CTNNB1: variants seen among roughly 807,000 people sequenced by gnomAD.
CTNNB1 encodes catenin beta 1.
In CTNNB1, 6 loss-of-function variants were observed where a neutral mutation model predicts 82.5. The ratio of observed to expected loss-of-function variants is 0.07; its 90% CI spans 0.04 to 0.14. CTNNB1 has a LOEUF of 0.14. Ranked by LOEUF, CTNNB1 falls within the 10% of genes least tolerant of loss-of-function variation. The pLI, the probability that CTNNB1 is intolerant of heterozygous loss-of-function variation, is 1.00. For synonymous variants in CTNNB1, 312 were observed against 329.7 expected, an observed-to-expected ratio of 0.95 and a Z score of 0.58; for missense variants, 529 against 980.4, an observed-to-expected ratio of 0.54 and a Z score of 6.15.
chr3:41,219,766 C>G (rs1231499481), intron 1 of CTNNB1, among the ~76,000 whole-genome samples: 7 of 152,030 alleles, frequency 4.6e-5, no homozygotes, highest in Non-Finnish European at 1.0e-4. Context: ...AAATTCTTAC[C>G]CTTAAACTCA....
At chr3:41,227,564 A>T (rs1364199232) in intron 7 of CTNNB1, among the ~76,000 whole-genome samples, 1 of 152,224 alleles carries the variant, frequency 6.6e-6, no homozygotes, top group Non-Finnish European at 1.5e-5. Context: ...ATCCATCAAA[A>T]ATGATGGCAT....
rs11377041 is a variant in CTNNB1 at position 41,231,326 on chromosome 3, CA to C, written c.1082-2001del. On this transcript the variant is annotated intron_variant, in intron 7 of 14. Coordinates refer to ENST00000349496, the MANE Select transcript of CTNNB1 (RefSeq NM_001904.4). ...TGGGCGACAGAGTGAGACTCTATCT[CA>C]AAAAAAAAAAAAAGGGAAAGAGATT... is the stretch of plus-strand genomic sequence containing the variant. 2.5e-3 allele frequency among the ~76,000 whole-genome samples: 342 copies of C among 134,900 alleles called. 2 individuals carry two copies. The highest frequency in any genetic ancestry group is 3.9e-3 in the Middle Eastern group (1 of 258). The allele number at this position is 134,900 out of a possible 152,430, so 88.5% of individuals were successfully genotyped here. A position where few individuals can be genotyped will look rare whatever the true frequency, so the allele number is the denominator to read the frequency against.
At chr3:41,213,029 A>G (rs757671389) in intron 1 of CTNNB1, among the ~76,000 whole-genome samples, 18 of 152,208 alleles carry the variant, frequency 1.2e-4, no homozygotes, top group Admixed American at 2.6e-4. Flanking sequence ...TAAAAACTCA[A>G]ATAAGATTGT....
intron 1 of CTNNB1, 124 bp from the exon 2 acceptor site, chr3:41,223,897 G>T: frequency 1.5e-6 from 1 of 687,026 alleles, no homozygotes; most frequent in Non-Finnish European, 2.5e-6. Flanking sequence ...TCACTAACCT[G>T]GTAAAAGAGG....
chr3:41,215,132 C>T (rs541332524), intron 1 of CTNNB1, among the ~76,000 whole-genome samples: 57 of 149,688 alleles, frequency 3.8e-4, no homozygotes, highest in African/African-American at 1.3e-3. Context: ...AATCCCAGCA[C>T]TTTGGGAGGC....
intron 1 of CTNNB1, among the ~76,000 whole-genome samples, chr3:41,204,669 A>G (rs901231837): frequency 1.3e-5 from 2 of 152,246 alleles, no homozygotes; most frequent in African/African-American, 4.8e-5. Context: ...ATCCAGATCA[A>G]TGTACATCTC....
rs2125583511 is a variant in CTNNB1, at chr3:41,203,033, C to T, written c.-49+3363C>T. Among the ~76,000 whole-genome samples the T allele has an allele frequency of 3.0e-5, 2 of 66,116 alleles. 1 individual carries two copies. The highest frequency in any genetic ancestry group is 1.6e-3 in the South Asian group (2 of 1,230). 43.4% of individuals were successfully genotyped at this position (66,116 alleles called of 152,430 possible). A position where few individuals can be genotyped will look rare whatever the true frequency, so the allele number is the denominator to read the frequency against. The stretch of plus-strand genomic sequence containing the variant: ...TAGGAACCCATTTTTAGGGTTTAGC[C>T]ACTTTTTTTTTTTTTTTTTTTTAAC... On this transcript the variant is annotated intron_variant, in intron 1 of 14. Coordinates refer to ENST00000349496, the MANE Select transcript of CTNNB1 (RefSeq NM_001904.4).
chr3:41,221,594 C>T (rs2078050682), intron 1 of CTNNB1: 1 of 152,112 alleles, frequency 6.6e-6, no homozygotes, highest in African/African-American at 2.4e-5. Flanking sequence ...ATCCACCCGC[C>T]TCCCAAAGTG....
Position 41,236,675 on chromosome 3 carries a change from C to G in CTNNB1, c.2042C>G (p.Ser681Cys), listed in dbSNP as rs772401455. The G allele has an allele frequency of 1.2e-6, 2 of 1,614,000 alleles. No homozygotes were observed. Residue 681 changes from serine to cysteine, a missense_variant, in exon 13 of 15, where the codon TCT becomes TGT. Physicochemically the swap from Ser to Cys is moderately radical, Grantham distance 112. Around this residue, in one of 4 missense-constraint regions of CTNNB1, gnomAD observed 102 missense variants for 130.8 expected, o/e 0.78. Coordinates refer to ENST00000349496, the MANE Select transcript of CTNNB1 (RefSeq NM_001904.4). ...CGGCTTTCAGTTGAGCTGACCAGCT[C>G]TCTCTTCAGAACAGAGCCAATGGCT... Reference protein sequence around the residue: ...KKRLSVELTSSLFRTEPMAWN... With the variant: ...KKRLSVELTSCLFRTEPMAWN...
chr3:41,233,225 A>G, intron 7 of CTNNB1, 116 bp from the exon 8 acceptor site: 3 of 864,482 alleles, frequency 3.5e-6, no homozygotes. Context: ...ACTTAGGTGA[A>G]AGGAAGTAAA....
At chr3:41,218,480 C>T (rs918973280) in intron 1 of CTNNB1, among the ~76,000 whole-genome samples, 18 of 152,096 alleles carry the variant, frequency 1.2e-4, no homozygotes, top group Non-Finnish European at 2.6e-4. Context: ...TGAAATCTGT[C>T]CTATTTGTGT....
chr3:41,222,636 CAG>C (rs1455413887), intron 1 of CTNNB1, among the ~76,000 whole-genome samples: 4 of 152,198 alleles, frequency 2.6e-5, no homozygotes, highest in Admixed American at 6.5e-5. Flanking sequence ...TCAGCCCACA[CAG>C]AGTTTACCCA....
At chr3:41,226,261 C>T (rs11564445) in intron 6 of CTNNB1, among the ~76,000 whole-genome samples, 4,698 of 152,228 alleles carry the variant, frequency 0.031, 134 homozygotes, top group Non-Finnish European at 0.045. Flanking sequence ...AAGCACTATG[C>T]GAAGTAGTAG....
intron 7 of CTNNB1, among the ~76,000 whole-genome samples, chr3:41,230,267 T>C (rs2078277944): frequency 6.6e-6 from 1 of 152,174 alleles, no homozygotes; most frequent in Non-Finnish European, 1.5e-5. Flanking sequence ...TAACCTGTAA[T>C]GTAGGCTAAA....
intron 11 of CTNNB1, 190 bp from the exon 12 acceptor site, chr3:41,236,159 G>C: frequency 4.9e-6 from 4 of 823,094 alleles, no homozygotes; most frequent in Non-Finnish European, 8.0e-6. Flanking sequence ...AGGGTTTATA[G>C]CTAAAAAATA....
At position 41,225,745 on chromosome 3, in the gene CTNNB1, C is replaced by T. The variant is rs1323014360; in HGVS notation, c.820C>T (p.Arg274Cys). Residue 274 changes from arginine (R) to cysteine (C), a missense_variant, in exon 6 of 15, where the codon CGT becomes TGT. This residue lies in a region of CTNNB1 where 411 missense variants were observed against 776.4 expected (regional missense o/e 0.53). Transcript: ENST00000349496. This position sits in a 1 kb window ranked among gnomAD's most constrained non-coding sequence, Gnocchi z 5.3. ...LHQEGAKMAV[R>C]LAGGLQKMVA... Reference sequence around the variant, plus strand: ...TCAAGAAGGAGCTAAAATGGCAGTGCGTTTAGCTGGTGGGCTGCAGAAAAT... The same window carrying T: ...TCAAGAAGGAGCTAAAATGGCAGTGTGTTTAGCTGGTGGGCTGCAGAAAAT... The T allele has an allele frequency of 3.1e-6, 5 of 1,614,030 alleles. No homozygotes were observed. The East Asian group carries it at 6.7e-5, about 22-fold the overall frequency.
rs1402182707 is a variant in CTNNB1 at position 41,202,141 on chromosome 3, A to G, written c.-49+2471A>G. ...TAGCAGTGAAATTAAATCTCCTGCA[A>G]TAGACTATAGAAGTATATTTAGCCA... On this transcript the variant is annotated intron_variant, in intron 1 of 14. Coordinates refer to ENST00000349496, the MANE Select transcript of CTNNB1 (RefSeq NM_001904.4). 5.3e-5 allele frequency among the ~76,000 whole-genome samples: 8 copies of G among 152,366 alleles called. No homozygotes were observed. The East Asian group carries it at 1.2e-3, about 22-fold the overall frequency.
At chr3:41,224,903 T>A (rs909859735) in intron 3 of CTNNB1, 51 bp from the exon 4 acceptor site, 38 of 1,612,748 alleles carry the variant, frequency 2.4e-5, no homozygotes, top group Non-Finnish European at 3.1e-5. Flanking sequence ...TAGCAAATAC[T>A]TAGGTAAATG....
intron 10 of CTNNB1, chr3:41,234,827 G>A (rs1181609991): frequency 6.0e-6 from 1 of 167,890 alleles, no homozygotes; most frequent in Non-Finnish European, 1.3e-5. Flanking sequence ...CTTAAAAGTA[G>A]CTTCATTAAA....
Sources: allele counts gnomAD v4.1 joint callset (sites outside exome capture counted in the v4.1 genomes callset), GRCh38; gene constraint gnomAD v4.1.1; regional missense constraint gnomAD v4.1.1; non-coding constraint Gnocchi (gnomAD v3.1); transcripts MANE v1.5; gene names NCBI Gene and HGNC (gene_info 2026-07-23, HGNC 2026-07-21).